MID1: variants seen among roughly 807,000 people sequenced by gnomAD.
MID1 encodes the protein E3 ubiquitin-protein ligase Midline-1.
In MID1, 7 loss-of-function variants were observed where a neutral mutation model predicts 40.4. The observed-to-expected ratio is 0.17, with a 90% CI of 0.10 to 0.33. The LOEUF (loss-of-function observed/expected upper bound fraction) is 0.33, where lower values mean the gene tolerates loss of function less well. Ranked by LOEUF, MID1 falls within the 10% of genes least tolerant of loss-of-function variation. MID1 has a pLI of 1.00. For missense variants in MID1, 367 were observed against 558.5 expected, an observed-to-expected ratio of 0.66 and a Z score of 3.46; for synonymous variants, 229 against 221.2, an observed-to-expected ratio of 1.04 and a Z score of -0.31.
Position 10,707,228 on chromosome X carries a change from C to T in MID1, c.-186-86809G>A, listed in dbSNP as rs769625566. ...TTCCCTCTACACAGCAACTCATAGA[C>T]CTGAACTTCAACAATCTTATGGCTC... On this transcript the variant is annotated intron_variant, in intron 1 of 10. Transcript: ENST00000380785. Among the ~76,000 whole-genome samples the T allele has an allele frequency of 3.9e-3, 439 of 112,208 alleles. 3 individuals are homozygous for T. Among genetic ancestry groups the T allele is most frequent in the Middle Eastern group, 0.014 (3 of 217 alleles).
chrX:10,554,881 G>A (rs983275311), intron 2 of MID1, among the ~76,000 whole-genome samples: 1 of 111,645 alleles, frequency 9.0e-6, no homozygotes, highest in African/African-American at 3.3e-5. Context: ...AAACAGCTGT[G>A]TCAAGGGTCA....
chrX:10,498,582 C>G (rs1190689821), intron 3 of MID1, among the ~76,000 whole-genome samples: 1 of 112,015 alleles, frequency 8.9e-6, no homozygotes, highest in Non-Finnish European at 1.9e-5. Flanking sequence ...GAAAAGAAAC[C>G]CATAATGTGT....
At chrX:10,613,431 TCAGACACG>T (rs1935769299) in intron 1 of MID1, among the ~76,000 whole-genome samples, 1 of 109,043 alleles carries the variant, frequency 9.2e-6, no homozygotes, top group African/African-American at 3.4e-5. Flanking sequence ...CAGTCTTCTC[TCAGACACG>T]CTATCTCAGT....
chrX:10,601,382 A>T (rs895210317), intron 1 of MID1, among the ~76,000 whole-genome samples: 4 of 112,487 alleles, frequency 3.6e-5, no homozygotes, highest in African/African-American at 1.3e-4. Context: ...TGAAAAAAAA[A>T]TTGTTTAAAT....
intron 1 of MID1, among the ~76,000 whole-genome samples, chrX:10,724,280 A>G (rs2043376171): frequency 1.8e-5 from 2 of 111,146 alleles, no homozygotes; most frequent in African/African-American, 6.5e-5. Context: ...GCTGGTCTCA[A>G]ACTCCTGGGC....
chrX:10,533,415 G>GAAAGAA (rs1933103603), intron 2 of MID1, among the ~76,000 whole-genome samples: 1 of 91,211 alleles, frequency 1.1e-5, no homozygotes, highest in African/African-American at 4.0e-5. Context: ...AAGAAAGAAA[G>GAAAGAA]AAAGAAAGAA....
intron 7 of MID1, among the ~76,000 whole-genome samples, chrX:10,461,584 C>T (rs1207556167): frequency 2.7e-5 from 3 of 111,438 alleles, no homozygotes; most frequent in African/African-American, 9.8e-5. Context: ...GATTTTGATC[C>T]AATCAAAGAA....
intron 1 of MID1, among the ~76,000 whole-genome samples, chrX:10,594,627 C>T (rs1935376689): frequency 9.0e-6 from 1 of 111,341 alleles, no homozygotes; most frequent in Admixed American, 9.5e-5. Context: ...AACACTCTTC[C>T]AGCCCATAGA....
intron 1 of MID1, among the ~76,000 whole-genome samples, chrX:10,606,365 AT>A (rs1935626170): frequency 9.0e-6 from 1 of 111,486 alleles, no homozygotes; most frequent in African/African-American, 3.3e-5. Flanking sequence ...AAGTTAAAAA[AT>A]ACATAACATT....
chrX:10,523,030 C>A, intron 3 of MID1, 62 bp downstream of exon 3: 1 of 837,335 alleles, frequency 1.2e-6, no homozygotes, highest in South Asian at 2.2e-5. Context: ...ATGAGGATAT[C>A]AAAACCTTGA....
intron 1 of MID1, among the ~76,000 whole-genome samples, chrX:10,784,322 A>G (rs1159113863): frequency 8.9e-6 from 1 of 112,019 alleles, no homozygotes; most frequent in Non-Finnish European, 1.9e-5. Flanking sequence ...GGGCAATGGC[A>G]GCATTCATAT....
intron 5 of MID1, among the ~76,000 whole-genome samples, chrX:10,479,386 A>T (rs1371507424): frequency 1.8e-5 from 2 of 111,094 alleles, no homozygotes; most frequent in African/African-American, 6.6e-5. Context: ...ACATACGATT[A>T]AGTTATTATT....
chrX:10,463,890 T>C (rs1319703590), intron 7 of MID1, among the ~76,000 whole-genome samples: 2 of 112,648 alleles, frequency 1.8e-5, no homozygotes, highest in Non-Finnish European at 3.7e-5. Context: ...GAAAATAATT[T>C]GAAAATCTTT....
At chrX:10,742,622 C>T (rs976056271) in intron 1 of MID1, among the ~76,000 whole-genome samples, 1 of 112,592 alleles carries the variant, frequency 8.9e-6, no homozygotes, top group African/African-American at 3.2e-5. Flanking sequence ...TTATCCTCAA[C>T]TTTTTGATTT....
At chrX:10,704,583 C>A (rs185364694) in intron 1 of MID1, among the ~76,000 whole-genome samples, 1 of 107,633 alleles carries the variant, frequency 9.3e-6, no homozygotes, top group East Asian at 2.9e-4. Flanking sequence ...GAAATAACAG[C>A]AAAAGTTACA....
chrX:10,617,221 T>C (rs1359743663), intron 1 of MID1, among the ~76,000 whole-genome samples: 1 of 112,175 alleles, frequency 8.9e-6, no homozygotes, highest in Non-Finnish European at 1.9e-5. Context: ...TTAACCTTTC[T>C]CTGCCTTCGT....
chrX:10,480,184 A>G (rs967591762), intron 5 of MID1, among the ~76,000 whole-genome samples: 3 of 112,387 alleles, frequency 2.7e-5, no homozygotes, highest in Admixed American at 9.4e-5. Context: ...AACTTGACAG[A>G]AGCACATTCT....
intron 1 of MID1, among the ~76,000 whole-genome samples, chrX:10,588,442 T>C (rs1166777884): frequency 8.9e-6 from 1 of 111,910 alleles, no homozygotes; most frequent in African/African-American, 3.3e-5. Context: ...TATGCCCTTG[T>C]TTACACTGAC....
upstream of MID1, among the ~76,000 whole-genome samples, chrX:10,622,475 C>T (rs1935945586): frequency 3.6e-5 from 4 of 111,987 alleles, no homozygotes; most frequent in South Asian, 1.5e-3. Context: ...TCAAATGTCA[C>T]CACTCATTCG....
Sources: allele counts gnomAD v4.1 joint callset (sites outside exome capture counted in the v4.1 genomes callset), GRCh38; gene constraint gnomAD v4.1.1; transcripts MANE v1.5; gene names NCBI Gene and HGNC (gene_info 2026-07-23, HGNC 2026-07-21).